The following ZMAT4 variants were observed in gnomAD, a reference collection of about 807,000 sequenced individuals.
The protein encoded by ZMAT4 is zinc finger matrin-type protein 4.
In ZMAT4, 17 loss-of-function variants were observed where a neutral mutation model predicts 28.7. The ratio of observed to expected loss-of-function variants is 0.59; its 90% CI spans 0.41 to 0.89. The LOEUF (loss-of-function observed/expected upper bound fraction) is 0.89. Ranked by LOEUF, ZMAT4 falls within the 40% of genes least tolerant of loss-of-function variation. The probability of loss-of-function intolerance (pLI) is 0.00; values close to 1 mark genes in which losing one functional copy is unlikely to be tolerated. For missense variants in ZMAT4, 240 were observed against 283.8 expected (o/e 0.85, Z 1.11); for synonymous variants, 117 against 109.2 (o/e 1.07, Z -0.44).
chr8:40,844,901 G>A (rs1419901477), intron 1 of ZMAT4, among the ~76,000 whole-genome samples: 2 of 152,044 alleles, frequency 1.3e-5, no homozygotes, highest in African/African-American at 2.4e-5. Flanking sequence ...ACAGAATCAG[G>A]GTAAGAACTC....
chr8:40,652,958 A>T (rs551580628), intron 5 of ZMAT4, among the ~76,000 whole-genome samples: 1 of 149,902 alleles, frequency 6.7e-6, no homozygotes, highest in South Asian at 2.2e-4. Flanking sequence ...GGTGAGGGAT[A>T]GCATTGGGAG....
intron 1 of ZMAT4, among the ~76,000 whole-genome samples, chr8:40,868,645 C>T (rs935279575): frequency 2.0e-5 from 3 of 152,180 alleles, no homozygotes; most frequent in African/African-American, 7.2e-5. Flanking sequence ...CCAAGGTCAC[C>T]TGACCTGTCT....
intron 4 of ZMAT4, among the ~76,000 whole-genome samples, chr8:40,690,698 A>G (rs1178706120): frequency 6.6e-6 from 1 of 152,196 alleles, no homozygotes; most frequent in Non-Finnish European, 1.5e-5. Context: ...GTAACTTTCA[A>G]GCAGATATAG....
intron 3 of ZMAT4, among the ~76,000 whole-genome samples, chr8:40,698,692 G>C (rs1006727873): frequency 6.6e-6 from 1 of 152,180 alleles, no homozygotes; most frequent in Non-Finnish European, 1.5e-5. Context: ...AAATTATGTG[G>C]TAGTTAGGAA....
At chr8:40,705,242 A>T (rs1162717952) in intron 3 of ZMAT4, among the ~76,000 whole-genome samples, 1 of 152,206 alleles carries the variant, frequency 6.6e-6, no homozygotes, top group African/African-American at 2.4e-5. Context: ...CAAAAGGGAG[A>T]AATTAGCCAG....
intron 5 of ZMAT4, among the ~76,000 whole-genome samples, chr8:40,656,038 T>A (rs531105965): frequency 1.4e-4 from 22 of 152,186 alleles, no homozygotes; most frequent in Non-Finnish European, 3.1e-4. Context: ...GAGACAAAAT[T>A]GAAAATCATA....
At chr8:40,750,769 C>T (rs998993035) in intron 3 of ZMAT4, among the ~76,000 whole-genome samples, 1 of 152,178 alleles carries the variant, frequency 6.6e-6, no homozygotes, top group African/African-American at 2.4e-5. Flanking sequence ...GCCATCAGAC[C>T]ATGTCTGGAG....
chr8:40,880,349 A>G (rs1818177813), intron 1 of ZMAT4, among the ~76,000 whole-genome samples: 3 of 151,976 alleles, frequency 2.0e-5, no homozygotes, highest in African/African-American at 7.2e-5. Flanking sequence ...AGCTTGGGCA[A>G]CAAGAGCGAA....
intron 5 of ZMAT4, among the ~76,000 whole-genome samples, chr8:40,596,568 A>T (rs558617849): frequency 6.6e-6 from 1 of 152,214 alleles, no homozygotes; most frequent in Non-Finnish European, 1.5e-5. Context: ...TGAGGTCAGG[A>T]TCATCAGGAC....
intron 5 of ZMAT4, among the ~76,000 whole-genome samples, chr8:40,617,129 G>T (rs765824599): frequency 1.3e-5 from 2 of 152,076 alleles, no homozygotes; most frequent in Non-Finnish European, 2.9e-5. Context: ...TTACACAAGG[G>T]TCTTAAAGTA....
Position 40,635,288 on chromosome 8 carries a change from C to T in ZMAT4, c.577+39416G>A, listed in dbSNP as rs536360123. Among the ~76,000 whole-genome samples the T allele has an allele frequency of 3.3e-5, 5 of 152,248 alleles. No homozygotes were observed. The South Asian group carries it at 1.0e-3, about 32-fold the overall frequency. ...ATTGCTTCCGCTAGGGGCCTTAATA[C>T]GAGTGGGTAGGATAACTAGGGGAAA... On this transcript the variant is annotated intron_variant, in intron 5 of 6. Transcript: ENST00000297737.
chr8:40,883,927 C>T (rs1371920185), intron 1 of ZMAT4, among the ~76,000 whole-genome samples: 1 of 152,260 alleles, frequency 6.6e-6, no homozygotes, highest in East Asian at 1.9e-4. Flanking sequence ...TTAATTCAGT[C>T]ATAACTCTCC....
intron 4 of ZMAT4, among the ~76,000 whole-genome samples, chr8:40,680,965 A>G (rs1447501547): frequency 1.3e-5 from 2 of 152,130 alleles, no homozygotes; most frequent in Non-Finnish European, 1.5e-5. Context: ...GGTTTCTCTC[A>G]CCTAAGCCAT....
chr8:40,671,289 T>C lies in ZMAT4; in HGVS notation c.577+3415A>G, dbSNP rs181443260. 4.9e-3 allele frequency among the ~76,000 whole-genome samples: 742 copies of C among 152,218 alleles called. 5 individuals are homozygous for C. The highest frequency in any genetic ancestry group is 0.017 in the African/African-American group (704 of 41,532). On this transcript the variant is annotated intron_variant, in intron 5 of 6. Transcript: ENST00000297737. ...AGTTTCTTCTATAGTTAAAAATACA[T>C]GCAACTTATGACCCAGCAATCCTAT...
In ZMAT4 at chr8:40,701,161, T is replaced by C. The variant is rs376294969; in HGVS notation, c.193-3760A>G. ...AGGGTTCAGTAGGGAAATATGTTAG[T>C]TTCACAATGGTAGTTTTAATATATA... On this transcript the variant is annotated intron_variant, in intron 3 of 6. Transcript: ENST00000297737. 9.8e-5 allele frequency among the ~76,000 whole-genome samples: 15 copies of C among 152,308 alleles called. No homozygotes were observed. The South Asian group carries it at 1.5e-3, about 15-fold the overall frequency.
Position 40,614,988 on chromosome 8 carries a change from T to G in ZMAT4, c.578-33727A>C, listed in dbSNP as rs182306293. ...TCATTATGATGTTAGACGGTTATTTTGCTCTTTAGTTGATGCAGTTTCTTC... is the reference window on the plus strand; with the variant it reads ...TCATTATGATGTTAGACGGTTATTTGGCTCTTTAGTTGATGCAGTTTCTTC... On this transcript the variant is annotated intron_variant, in intron 5 of 6. Coordinates refer to ENST00000297737, the MANE Select transcript of ZMAT4 (RefSeq NM_024645.3). 1.4e-3 allele frequency among the ~76,000 whole-genome samples: 209 copies of G among 152,350 alleles called. 1 individual carries two copies. The highest frequency in any genetic ancestry group is 5.4e-4 in the Non-Finnish European group (37 of 68,034).
At chr8:40,599,861 T>A (rs571715529) in intron 5 of ZMAT4, among the ~76,000 whole-genome samples, 8 of 152,086 alleles carry the variant, frequency 5.3e-5, no homozygotes, top group African/African-American at 1.9e-4. Flanking sequence ...CCAGCACCGG[T>A]CCCTTCTGTT....
intron 4 of ZMAT4, among the ~76,000 whole-genome samples, chr8:40,681,428 C>G (rs558607890): frequency 5.2e-4 from 79 of 152,314 alleles, no homozygotes; most frequent in Non-Finnish European, 1.0e-3. Flanking sequence ...ATTTCTTCAG[C>G]AAATATCACT....
intron 2 of ZMAT4, among the ~76,000 whole-genome samples, chr8:40,786,447 A>ACATTCATTCATTCATTCATT (rs71294786): frequency 4.0e-5 from 6 of 151,454 alleles, no homozygotes; most frequent in Non-Finnish European, 8.8e-5. Context: ...GAAGTACATG[A>ACATTCATTCATTCATTCATT]CATTCATTCA....
Sources: allele counts gnomAD v4.1 joint callset (sites outside exome capture counted in the v4.1 genomes callset), GRCh38; gene constraint gnomAD v4.1.1; transcripts MANE v1.5; gene names NCBI Gene and HGNC (gene_info 2026-07-23, HGNC 2026-07-21).